Variants in POU3F3 observed in about 807,000 individuals in gnomAD.
POU3F3 encodes the protein POU domain, class 3, transcription factor 3.
A neutral mutation model predicts 8.6 loss-of-function variants in POU3F3; 1 was observed. The ratio of observed to expected loss-of-function variants is 0.12; its 90% CI spans 0.04 to 0.55. The LOEUF is 0.55. POU3F3 is among the 20% of genes least tolerant of loss of function. POU3F3 has a pLI of 0.91. For synonymous variants in POU3F3, 418 were observed against 327.4 expected, an observed-to-expected ratio of 1.28 and a Z score of -2.99; for missense variants, 577 against 690.7, an observed-to-expected ratio of 0.84 and a Z score of 1.84.
chr2:104,853,862 G>A (rs1214500537), upstream of POU3F3: 1 of 151,846 alleles, frequency 6.6e-6, no homozygotes, highest in Non-Finnish European at 1.5e-5. Context: ...GGCGGCGGGG[G>A]AGGGGCGGGG....
rs1003899434 is a variant in POU3F3, at chr2:104,854,669, C to A, written c.-842C>A. Among the ~76,000 whole-genome samples the A allele has an allele frequency of 2.0e-5, 3 of 152,198 alleles. No individual in the cohort carries two copies. The highest frequency in any genetic ancestry group is 7.2e-5 in the African/African-American group (3 of 41,458). On this transcript the variant is annotated 5_prime_UTR_variant, in exon 1 of 1. Transcript: ENST00000361360. The surrounding 1 kb of genome is among the most constrained non-coding windows in gnomAD (Gnocchi z 4.5). ...CGGCAATAGCAACTTCAGAGAAATGCACCATCGCAAGAAGTTTTCCTAGGA... is the reference window on the plus strand; with the variant it reads ...CGGCAATAGCAACTTCAGAGAAATGAACCATCGCAAGAAGTTTTCCTAGGA...
downstream of POU3F3, among the ~76,000 whole-genome samples, chr2:104,860,614 T>TA (rs1265357759): frequency 1.3e-5 from 2 of 152,066 alleles, no homozygotes; most frequent in African/African-American, 2.4e-5. Context: ...TAGGCCCACT[T>TA]ACAGTTTACA....
At chr2:104,888,701 C>T in the POU3F3 span, among the ~76,000 whole-genome samples, 1 of 152,064 alleles carries the variant, frequency 6.6e-6, no homozygotes, top group African/African-American at 2.4e-5. Flanking sequence ...ACTCCTACCC[C>T]ACCCATCCAC....
In POU3F3 at chr2:104,855,803, TCA is replaced by T; in HGVS notation, c.296_297del (p.Thr99SerfsTer540). On this transcript the variant is annotated frameshift_variant, in exon 1 of 1. Transcript: ENST00000361360. LOFTEE classifies it low-confidence loss of function (END_TRUNC). ...ATGCTGAGCCACGCGCACCAGTGGGTCACAGCCCTGCCCCACGCCGCCGCCGC... is the reference window on the plus strand; with the variant it reads ...ATGCTGAGCCACGCGCACCAGTGGGTCAGCCCTGCCCCACGCCGCCGCCGC... 8.0e-7 allele frequency: 1 copy of T among 1,244,284 alleles called. No homozygotes were observed. The highest frequency in any genetic ancestry group is 1.0e-6 in the Non-Finnish European group (1 of 974,958). 77.1% of individuals were successfully genotyped at this position (1,244,284 alleles called of 1,614,324 possible). A position where few individuals can be genotyped will look rare whatever the true frequency, so the allele number is the denominator to read the frequency against.
the POU3F3 span, chr2:104,866,609 T>C: frequency 1.3e-5 from 2 of 152,190 alleles, no homozygotes; most frequent in Non-Finnish European, 1.5e-5. Context: ...TTACATAACA[T>C]ACAGAATCCT....
chr2:104,856,980 G>A lies in POU3F3; in HGVS notation c.1470G>A (p.Pro490=). Residue 490 remains proline (P), a synonymous_variant, in exon 1 of 1, where the codon CCG becomes CCA. Transcript: ENST00000361360. ...QVGTVSADTP[P]PHHGLQTSVQ ...GCACCGTGAGCGCCGACACGCCGCCGCCTCACCACGGGCTGCAGACGAGCG... is the reference window on the plus strand; with the variant it reads ...GCACCGTGAGCGCCGACACGCCGCCACCTCACCACGGGCTGCAGACGAGCG... 1 of 1,609,330 alleles carries A rather than the reference G, an allele frequency of 6.2e-7. No homozygotes were observed. The highest frequency in any genetic ancestry group is 8.5e-7 in the Non-Finnish European group (1 of 1,178,718).
chr2:104,927,649 G>A, the POU3F3 span, among the ~76,000 whole-genome samples: 19 of 73,476 alleles, frequency 2.6e-4, no homozygotes, highest in Non-Finnish European at 4.4e-4. Context: ...TCTGAAAGCT[G>A]GGGCGGGGGA....
At chr2:104,861,466 A>G (rs540197913), downstream of POU3F3, among the ~76,000 whole-genome samples, 1 of 152,336 alleles carries the variant, frequency 6.6e-6, no homozygotes, top group African/African-American at 2.4e-5. Flanking sequence ...CAAGGATTAG[A>G]GCAGATGCTA....
chr2:104,883,879 G>T, the POU3F3 span, among the ~76,000 whole-genome samples: 2 of 152,164 alleles, frequency 1.3e-5, no homozygotes, highest in African/African-American at 4.8e-5. Flanking sequence ...TTCAGAGAGA[G>T]ATCCCTTCTC....
the POU3F3 span, among the ~76,000 whole-genome samples, chr2:104,898,901 T>C: frequency 6.6e-6 from 1 of 152,162 alleles, no homozygotes; most frequent in Non-Finnish European, 1.5e-5. Flanking sequence ...AAATTTTTCA[T>C]GGAATTCCTG....
the POU3F3 span, chr2:104,866,802 G>T: frequency 6.6e-6 from 1 of 152,288 alleles, no homozygotes; most frequent in East Asian, 1.9e-4. Flanking sequence ...TGCACCATCT[G>T]TGTGCCAGAG....
At chr2:104,924,309 A>G in the POU3F3 span, among the ~76,000 whole-genome samples, 1 of 152,226 alleles carries the variant, frequency 6.6e-6, no homozygotes, top group Non-Finnish European at 1.5e-5. Context: ...GAAGCTACTG[A>G]CCAATTCTAA....
At chr2:104,861,399 G>A (rs181850917), downstream of POU3F3, among the ~76,000 whole-genome samples, 1 of 152,254 alleles carries the variant, frequency 6.6e-6, no homozygotes, top group Non-Finnish European at 1.5e-5. Context: ...TTTTTTTAAG[G>A]CAGAAAGACA....
At chr2:104,902,325 T>C in the POU3F3 span, among the ~76,000 whole-genome samples, 1 of 152,104 alleles carries the variant, frequency 6.6e-6, no homozygotes, top group East Asian at 1.9e-4. Flanking sequence ...AACTGACCAG[T>C]GAAGAGGGAG....
chr2:104,922,901 G>C, the POU3F3 span, among the ~76,000 whole-genome samples: 1 of 152,142 alleles, frequency 6.6e-6, no homozygotes, highest in East Asian at 1.9e-4. Context: ...AATCTTGAAA[G>C]CTACAAGAGA....
chr2:104,856,290 G>T lies in POU3F3; in HGVS notation c.780G>T (p.Val260=). ...AGAGCTTGGTGCACCCGGGGCTGGT[G>T]CGCGGGGACACGCCAGAGCTGGCCG... ...GAQSLVHPGL[V]RGDTPELAEH... Residue 260 remains valine, a synonymous_variant, in exon 1 of 1, where the codon GTG becomes GTT. Coordinates refer to ENST00000361360, the MANE Select transcript of POU3F3 (RefSeq NM_006236.3). The T allele has an allele frequency of 6.8e-7, 1 of 1,479,638 alleles. No homozygotes were observed. Among genetic ancestry groups the T allele is most frequent in the Non-Finnish European group, 8.9e-7 (1 of 1,123,626 alleles). The allele number at this position is 1,479,638 out of a possible 1,614,324, so 91.7% of individuals were successfully genotyped here.
At position 104,856,938 on chromosome 2, in the gene POU3F3, C is replaced by G. The variant is rs751477427; in HGVS notation, c.1428C>G (p.Asp476Glu). 1.9e-6 allele frequency: 3 copies of G among 1,613,280 alleles called. 1 individual carries two copies. Among genetic ancestry groups the G allele is most frequent in the Middle Eastern group, 1.6e-4 (1 of 6,062 alleles). The change falls in exon 1 of 1, where the codon GAC becomes GAG. Residue 476 changes from aspartate to glutamate, a missense_variant. Coordinates refer to ENST00000361360, the MANE Select transcript of POU3F3 (RefSeq NM_006236.3). ...GGATCCAACAGCAGACGCCCGACGA[C>G]GTCTACTCGCAGGTGGGCACCGTGA... ...PPGIQQQTPD[D>E]VYSQVGTVSA...
chr2:104,925,367 T>C, the POU3F3 span, among the ~76,000 whole-genome samples: 8 of 152,308 alleles, frequency 5.3e-5, no homozygotes, highest in South Asian at 6.2e-4. Flanking sequence ...ATTCTAGGTT[T>C]GGAAGGATGT....
Position 104,856,305 on chromosome 2 carries a change from A to G in POU3F3, c.795A>G (p.Pro265=). ...VHPGLVRGDT[P]ELAEHHHHHH... is the part of the protein sequence containing the mutation. ...CGGGGCTGGTGCGCGGGGACACGCC[A>G]GAGCTGGCCGAGCACCACCACCACC... The change falls in exon 1 of 1, where the codon CCA becomes CCG. Residue 265 remains proline (P), a synonymous_variant. Coordinates refer to ENST00000361360, the MANE Select transcript of POU3F3 (RefSeq NM_006236.3). The G allele has an allele frequency of 6.7e-7, 1 of 1,500,914 alleles. No homozygotes were observed. Among genetic ancestry groups the G allele is most frequent in the Non-Finnish European group, 8.8e-7 (1 of 1,132,006 alleles). 93.0% of individuals were successfully genotyped at this position (1,500,914 alleles called of 1,614,324 possible). A position where few individuals can be genotyped will look rare whatever the true frequency, so the allele number is the denominator to read the frequency against.
Sources: gnomAD v4.1 joint callset for allele counts (sites outside exome capture counted in the v4.1 genomes callset) on GRCh38, gnomAD v4.1.1 for gene constraint, Gnocchi (gnomAD v3.1) non-coding constraint, MANE v1.5 for transcripts, NCBI Gene and HGNC (gene_info 2026-07-23, HGNC 2026-07-21) for gene names.